The following GIMAP7 variants were observed in gnomAD, a reference collection of about 807,000 sequenced individuals.
GIMAP7 encodes GTPase, IMAP family member 7.
For missense variants in GIMAP7, 323 were observed against 359.7 expected (o/e 0.90, Z 0.83); for synonymous variants, 137 against 129.3 (o/e 1.06, Z -0.40).
Position 150,520,281 on chromosome 7 carries a change from C to G in GIMAP7, c.307C>G (p.Arg103Gly), listed in dbSNP as rs115726102. Residue 103 changes from arginine to glycine, a missense_variant, in exon 2 of 2, where the codon CGC becomes GGC. Arg to Gly is a moderately radical substitution (Grantham distance 125, BLOSUM62 -2). Transcript: ENST00000313543. ...HAIVLVLLLG[R>G]YTEEEQKTVA... ...TATTGTCCTAGTTCTGCTGCTGGGC[C>G]GCTACACAGAGGAGGAGCAGAAAAC... 2.5e-6 allele frequency: 4 copies of G among 1,613,944 alleles called. No individual in the cohort carries two copies. Among genetic ancestry groups the G allele is most frequent in the African/African-American group, 2.7e-5 (2 of 74,878 alleles).
intron 1 of GIMAP7, 146 bp from the exon 2 acceptor site, chr7:150,519,788 C>G (rs1473169537): frequency 5.6e-5 from 32 of 573,542 alleles, no homozygotes; most frequent in Non-Finnish European, 7.1e-5. Context: ...ATTAATCGGA[C>G]TATTTCATTT....
At chr7:150,515,772 A>T (rs1030726256) in intron 1 of GIMAP7, among the ~76,000 whole-genome samples, 1 of 67,384 alleles carries the variant, frequency 1.5e-5, no homozygotes, top group Non-Finnish European at 2.9e-5. Flanking sequence ...GATATTTCTG[A>T]CCATCTCTCT....
intron 1 of GIMAP7, among the ~76,000 whole-genome samples, chr7:150,518,096 G>A (rs945842343): frequency 6.6e-6 from 1 of 151,660 alleles, no homozygotes; most frequent in Non-Finnish European, 1.5e-5. Context: ...TTTTGCAGTT[G>A]GATTGTACTT....
intron 1 of GIMAP7, among the ~76,000 whole-genome samples, chr7:150,518,670 T>G (rs1234425335): frequency 6.6e-6 from 1 of 152,144 alleles, no homozygotes; most frequent in Admixed American, 6.5e-5. Context: ...CCTATGGTGT[T>G]GTATGCCTTA....
rs58391005 is a variant in GIMAP7 at position 150,521,049 on chromosome 7, G to A, written c.*172G>A. On this transcript the variant is annotated 3_prime_UTR_variant, in exon 2 of 2. Coordinates refer to ENST00000313543, the MANE Select transcript of GIMAP7 (RefSeq NM_153236.4). ...ATATATACACACATTGTGAAATAAT[G>A]AAATAAAGGTAATTAACACATCTAG... is the stretch of plus-strand genomic sequence containing the variant. The A allele has an allele frequency of 0.23, 50,751 of 225,380 alleles. 6,085 individuals carry two copies. Among genetic ancestry groups the A allele is most frequent in the Admixed American group, 0.29 (5,121 of 17,440 alleles). The allele number at this position is 225,380 out of a possible 1,614,324, so 14.0% of individuals were successfully genotyped here. A position where few individuals can be genotyped will look rare whatever the true frequency, so the allele number is the denominator to read the frequency against.
At chr7:150,515,858 A>T (rs1160153894) in intron 1 of GIMAP7, among the ~76,000 whole-genome samples, 2 of 152,178 alleles carry the variant, frequency 1.3e-5, no homozygotes, top group Admixed American at 1.3e-4. Flanking sequence ...GTTCCCTTAT[A>T]ACAGGCTGGC....
Position 150,519,991 on chromosome 7 carries a change from A to T in GIMAP7, c.17A>T (p.Asp6Val). 1 of 1,614,014 alleles carries T rather than the reference A, an allele frequency of 6.2e-7. No individual in the cohort carries two copies. Among genetic ancestry groups the T allele is most frequent in the Non-Finnish European group, 8.5e-7 (1 of 1,179,918 alleles). The change falls in exon 2 of 2, where the codon GAC becomes GTC. Residue 6 changes from aspartate (D) to valine (V), a missense_variant. By Grantham distance (152) the Asp-to-Val change is radical (BLOSUM62 -3). Coordinates refer to ENST00000313543, the MANE Select transcript of GIMAP7 (RefSeq NM_153236.4). ...GACGTGAGCATGGCTGAGAGTGAGG[A>T]CCGCTCCCTGAGGATCGTTCTGGTA... MAESE[D>V]RSLRIVLVGK...
chr7:150,516,844 A>G (rs1243257976), intron 1 of GIMAP7, among the ~76,000 whole-genome samples: 1 of 152,228 alleles, frequency 6.6e-6, no homozygotes, highest in African/African-American at 2.4e-5. Context: ...GTTGGATCAG[A>G]TTAAAGTTTG....
intron 1 of GIMAP7, among the ~76,000 whole-genome samples, chr7:150,515,846 C>A (rs553352872): frequency 6.6e-6 from 1 of 152,164 alleles, no homozygotes; most frequent in East Asian, 1.9e-4. Flanking sequence ...GCCCTCCTCA[C>A]GGTTCCCTTA....
intron 1 of GIMAP7, among the ~76,000 whole-genome samples, chr7:150,519,676 C>T (rs1795166546): frequency 1.3e-5 from 2 of 152,094 alleles, no homozygotes; most frequent in African/African-American, 4.8e-5. Context: ...TTGAGATCAT[C>T]AGATCTTAAA....
In GIMAP7 at chr7:150,519,915, C is replaced by CA; in HGVS notation, c.-41-19_-41-18insA. 2 of 1,500,964 alleles carry CA rather than the reference C, an allele frequency of 1.3e-6. No homozygotes were observed. The highest frequency in any genetic ancestry group is 1.8e-6 in the Non-Finnish European group (2 of 1,110,096). The allele number at this position is 1,500,964 out of a possible 1,614,324, so 93.0% of individuals were successfully genotyped here. ...CTTACTAAAACTGGCTTTTTTTCCCCTATCTTCCCCTCCTTAAGGTCTTGT... is the reference window on the plus strand; with the variant it reads ...CTTACTAAAACTGGCTTTTTTTCCCCATATCTTCCCCTCCTTAAGGTCTTGT... On this transcript the variant is annotated intron_variant, in intron 1 of 1. Transcript: ENST00000313543.
rs1292114428 is a variant in GIMAP7, at chr7:150,520,689, A to G, written c.715A>G (p.Lys239Glu). ...NEEIKLVEEDKHKSEEEKEKE... is the reference protein window; with the variant it reads ...NEEIKLVEEDEHKSEEEKEKE... Reference sequence around the variant, plus strand: ...AGAAATTAAACTAGTAGAAGAGGATAAGCATAAATCAGAGGAAGAAAAGGA... The same window carrying G: ...AGAAATTAAACTAGTAGAAGAGGATGAGCATAAATCAGAGGAAGAAAAGGA... The change falls in exon 2 of 2, where the codon AAG becomes GAG. Residue 239 changes from lysine (K) to glutamate (E), a missense_variant. Transcript: ENST00000313543. 2 of 1,594,130 alleles carry G rather than the reference A, an allele frequency of 1.3e-6. No individual in the cohort carries two copies. The highest frequency in any genetic ancestry group is 1.7e-5 in the Admixed American group (1 of 59,436).
chr7:150,518,952 A>G (rs1795160727), intron 1 of GIMAP7, among the ~76,000 whole-genome samples: 2 of 151,786 alleles, frequency 1.3e-5, no homozygotes, highest in Non-Finnish European at 2.9e-5. Flanking sequence ...AGTGTCCATC[A>G]TCTTTCCCAT....
At position 150,520,829 on chromosome 7, in the gene GIMAP7, A is replaced by G. The variant is rs145825444; in HGVS notation, c.855A>G (p.Ser285=). The G allele has an allele frequency of 6.6e-6, 10 of 1,504,042 alleles. No homozygotes were observed. The highest frequency in any genetic ancestry group is 1.4e-5 in the African/African-American group (1 of 70,984). The allele number at this position is 1,504,042 out of a possible 1,614,324, so 93.2% of individuals were successfully genotyped here. A position where few individuals can be genotyped will look rare whatever the true frequency, so the allele number is the denominator to read the frequency against. Residue 285 remains serine, a synonymous_variant, in exon 2 of 2, where the codon TCA becomes TCG. Transcript: ENST00000313543. ...DVFNRIWKML[S]EIWHRFLSKC... The stretch of plus-strand genomic sequence containing the variant: ...TTAATAGGATTTGGAAGATGCTTTC[A>G]GAAATATGGCATAGGTTTTTGTCGA...
chr7:150,516,871 G>T (rs1795141708), intron 1 of GIMAP7, among the ~76,000 whole-genome samples: 1 of 152,100 alleles, frequency 6.6e-6, no homozygotes, highest in Non-Finnish European at 1.5e-5. Context: ...TTTTTTTAGT[G>T]GGAATACTTC....
At position 150,520,421 on chromosome 7, in the gene GIMAP7, G is replaced by T; in HGVS notation, c.447G>T (p.Ala149=). ...GQSFHDFIAD[A]DVGLKSIVKE... is the part of the protein sequence containing the mutation. The stretch of plus-strand genomic sequence containing the variant: ...GCTTCCATGACTTCATAGCAGATGC[G>T]GATGTGGGCCTAAAAAGCATCGTCA... The change falls in exon 2 of 2, where the codon GCG becomes GCT. Residue 149 remains alanine, a synonymous_variant. Coordinates refer to ENST00000313543, the MANE Select transcript of GIMAP7 (RefSeq NM_153236.4). The T allele has an allele frequency of 6.2e-7, 1 of 1,614,186 alleles. No individual in the cohort carries two copies. The highest frequency in any genetic ancestry group is 1.1e-5 in the South Asian group (1 of 91,084).
rs1036405456 is a variant in GIMAP7, at chr7:150,518,830, C to T, written c.-41-1104C>T. The stretch of plus-strand genomic sequence containing the variant: ...ATTTATATGGGATAGTTTTTGCATT[C>T]AAATTTCTGATCTATTTGGAATTTG... On this transcript the variant is annotated intron_variant, in intron 1 of 1. Transcript: ENST00000313543. Among the ~76,000 whole-genome samples, 10 of 152,124 alleles carry T rather than the reference C, an allele frequency of 6.6e-5. No individual in the cohort carries two copies. The East Asian group carries it at 9.6e-4, about 15-fold the overall frequency.
rs144054418 is a variant in GIMAP7 at position 150,520,307 on chromosome 7, C to T, written c.333C>T (p.Thr111=). The change falls in exon 2 of 2, where the codon ACC becomes ACT. Residue 111 remains threonine (T), a synonymous_variant. Coordinates refer to ENST00000313543, the MANE Select transcript of GIMAP7 (RefSeq NM_153236.4). ...GCTACACAGAGGAGGAGCAGAAAACCGTTGCATTGATCAAGGCTGTCTTTG... is the reference window on the plus strand; with the variant it reads ...GCTACACAGAGGAGGAGCAGAAAACTGTTGCATTGATCAAGGCTGTCTTTG... ...LGRYTEEEQK[T]VALIKAVFGK... 37 of 1,614,112 alleles carry T rather than the reference C, an allele frequency of 2.3e-5. No homozygotes were observed. The African/African-American group carries it at 4.3e-4, about 19-fold the overall frequency.
chr7:150,518,268 C>T (rs895803424), intron 1 of GIMAP7, among the ~76,000 whole-genome samples: 4 of 152,136 alleles, frequency 2.6e-5, no homozygotes, highest in East Asian at 1.9e-4. Flanking sequence ...CCACCTTCTC[C>T]TCTATAGGTG....
Sources: allele counts gnomAD v4.1 joint callset (sites outside exome capture counted in the v4.1 genomes callset), GRCh38; gene constraint gnomAD v4.1.1; transcripts MANE v1.5; gene names NCBI Gene and HGNC (gene_info 2026-07-23, HGNC 2026-07-21).